The following CLIC6 variants were observed in gnomAD, a reference collection of about 807,000 sequenced individuals.
CLIC6 encodes chloride intracellular channel protein 6.
Under a neutral mutation model 49.2 loss-of-function variants are expected in CLIC6, and 39 were observed. That is an observed-to-expected ratio of 0.79 (90% CI 0.61 to 1.04). The LOEUF is 1.04. CLIC6 is among the 50% of genes least tolerant of loss of function. The pLI is 0.00. For synonymous variants in CLIC6, 446 were observed against 433.4 expected, an observed-to-expected ratio of 1.03 and a Z score of -0.36; for missense variants, 988 against 993.1, an observed-to-expected ratio of 0.99 and a Z score of 0.07.
At chr21:34,673,497 G>C (rs1989607901) in intron 1 of CLIC6, among the ~76,000 whole-genome samples, 1 of 152,056 alleles carries the variant, frequency 6.6e-6, no homozygotes, top group Non-Finnish European at 1.5e-5. Flanking sequence ...CGCCATGTTG[G>C]CCAGCCTGGT....
chr21:34,698,594 T>A (rs1397166585), intron 1 of CLIC6, among the ~76,000 whole-genome samples: 1 of 152,044 alleles, frequency 6.6e-6, no homozygotes, highest in African/African-American at 2.4e-5. Flanking sequence ...AGGTCCTAAG[T>A]GTTGTGTCAG....
chr21:34,709,678 C>CTTGGCTGCCCCG, intron 5 of CLIC6, 140 bp downstream of exon 5: 2 of 738,884 alleles, frequency 2.7e-6, no homozygotes, highest in Non-Finnish European at 4.3e-6. Flanking sequence ...CTGTTCGGGG[C>CTTGGCTGCCCCG]AGCCAAGCCC....
intron 1 of CLIC6, among the ~76,000 whole-genome samples, chr21:34,671,351 G>C (rs559241741): frequency 6.6e-6 from 1 of 152,210 alleles, no homozygotes; most frequent in South Asian, 2.1e-4. Flanking sequence ...TGTACGTTTA[G>C]GGGGGAATGG....
intron 1 of CLIC6, among the ~76,000 whole-genome samples, chr21:34,683,445 C>T (rs1333458619): frequency 3.3e-5 from 5 of 152,092 alleles, no homozygotes; most frequent in Non-Finnish European, 4.4e-5. Context: ...AAAGAATTGA[C>T]CAAAATTTAT....
chr21:34,675,991 C>T (rs1222231587), intron 1 of CLIC6, among the ~76,000 whole-genome samples: 1 of 143,336 alleles, frequency 7.0e-6, no homozygotes, highest in Admixed American at 7.2e-5. Context: ...TCACAGCTCC[C>T]GTCTCTGTCT....
At chr21:34,714,225 C>G (rs1030925670) in intron 5 of CLIC6, among the ~76,000 whole-genome samples, 6 of 152,126 alleles carry the variant, frequency 3.9e-5, no homozygotes, top group African/African-American at 1.4e-4. Flanking sequence ...GAAACTAGTC[C>G]TAAGACCAAA....
chr21:34,700,208 T>G (rs1250672656), intron 1 of CLIC6, among the ~76,000 whole-genome samples: 1 of 151,880 alleles, frequency 6.6e-6, no homozygotes, highest in Non-Finnish European at 1.5e-5. Flanking sequence ...AAGAAATGAT[T>G]TGGCCGAGGA....
intron 1 of CLIC6, among the ~76,000 whole-genome samples, chr21:34,687,423 T>C (rs1003756983): frequency 7.9e-5 from 12 of 152,218 alleles, no homozygotes; most frequent in Admixed American, 4.6e-4. Flanking sequence ...TTCATCTCCA[T>C]GTAAAAGCTT....
intron 1 of CLIC6, among the ~76,000 whole-genome samples, chr21:34,691,433 G>C (rs1024935846): frequency 2.6e-5 from 4 of 151,854 alleles, no homozygotes; most frequent in Non-Finnish European, 5.9e-5. Flanking sequence ...TGCACTCCTG[G>C]TTGATTCTTT....
At chr21:34,709,936 G>T (rs974349403) in intron 5 of CLIC6, among the ~76,000 whole-genome samples, 1 of 152,114 alleles carries the variant, frequency 6.6e-6, no homozygotes, top group African/African-American at 2.4e-5. Context: ...GGCTCCACAT[G>T]GCCCCTTCTA....
intron 1 of CLIC6, among the ~76,000 whole-genome samples, chr21:34,672,552 C>G (rs1245170253): frequency 6.6e-6 from 1 of 152,212 alleles, no homozygotes; most frequent in Non-Finnish European, 1.5e-5. Flanking sequence ...CAGTCCCAGT[C>G]GGATGACCCT....
At chr21:34,695,097 G>A (rs1057443652) in intron 1 of CLIC6, among the ~76,000 whole-genome samples, 2 of 152,186 alleles carry the variant, frequency 1.3e-5, no homozygotes, top group Non-Finnish European at 2.9e-5. Flanking sequence ...AACTTGACAT[G>A]GGTCTCACTG....
rs147554169 is a variant in CLIC6, at chr21:34,673,535, C to T, written c.1374+2773C>T. On this transcript the variant is annotated intron_variant, in intron 1 of 5. Transcript: ENST00000349499. ...CAAACTCCTGACCTCAGGTGATCCA[C>T]CCACCGTGGCCTCCCAAAGTGCTGG... is the stretch of plus-strand genomic sequence containing the variant. Among the ~76,000 whole-genome samples the T allele has an allele frequency of 6.6e-5, 10 of 152,294 alleles. No homozygotes were observed. The East Asian group carries it at 1.9e-3, about 29-fold the overall frequency.
intron 1 of CLIC6, among the ~76,000 whole-genome samples, chr21:34,690,817 T>G (rs7281426): frequency 0.016 from 2,460 of 149,302 alleles, 75 homozygotes; most frequent in African/African-American, 0.057. Context: ...CCCCTCCTTT[T>G]CTTTTCCCCA....
chr21:34,669,344 C>G lies in CLIC6; in HGVS notation c.-45C>G. On this transcript the variant is annotated 5_prime_UTR_variant, in exon 1 of 6. Coordinates refer to ENST00000349499, the MANE Select transcript of CLIC6 (RefSeq NM_053277.3). ...TTGCCCAGCGCCACCGACCCTTAAG[C>G]AGCGTCAAGGAAGGAGTCCCGATCA... 1 of 1,227,416 alleles carries G rather than the reference C, an allele frequency of 8.1e-7. No homozygotes were observed. Among genetic ancestry groups the G allele is most frequent in the East Asian group, 3.1e-5 (1 of 31,748 alleles). The allele number at this position is 1,227,416 out of a possible 1,614,324, so 76.0% of individuals were successfully genotyped here. A position where few individuals can be genotyped will look rare whatever the true frequency, so the allele number is the denominator to read the frequency against.
Position 34,716,438 on chromosome 21 carries a change from G to C in CLIC6, c.2017G>C (p.Glu673Gln). ...EFTNTCPADQ[E>Q]IEHAYSDVAK... Reference sequence around the variant, plus strand: ...CACAAATACGTGTCCAGCTGATCAAGAGATTGAACACGCATATTCAGATGT... The same window carrying C: ...CACAAATACGTGTCCAGCTGATCAACAGATTGAACACGCATATTCAGATGT... The change falls in exon 6 of 6, where the codon GAG becomes CAG. Residue 673 changes from glutamate (E) to glutamine (Q), a missense_variant. Around this residue, in one of 3 missense-constraint regions of CLIC6, gnomAD observed 647 missense variants for 596.9 expected, o/e 1.08. Transcript: ENST00000349499. The C allele has an allele frequency of 6.2e-7, 1 of 1,613,974 alleles. No individual in the cohort carries two copies. The highest frequency in any genetic ancestry group is 8.5e-7 in the Non-Finnish European group (1 of 1,179,926).
rs903734476 is a variant in CLIC6 at position 34,670,761 on chromosome 21, A to C, written c.1373A>C (p.Lys458Thr). 1 of 1,598,094 alleles carries C rather than the reference A, an allele frequency of 6.3e-7. No homozygotes were observed. Among genetic ancestry groups the C allele is most frequent in the Non-Finnish European group, 8.5e-7 (1 of 1,177,532 alleles). The change falls in exon 1 of 6, where the codon AAG becomes ACG. Residue 458 changes from lysine to threonine, a missense_variant and splice_region_variant. Lys to Thr is a moderately conservative substitution (Grantham distance 78). This residue lies in a region of CLIC6 where 647 missense variants were observed against 596.9 expected (regional missense o/e 1.08). Transcript: ENST00000349499. The part of the protein sequence containing the change: ...GQEHDITLFV[K>T]AGYDGESIGN... ...GAGCACGACATCACCCTCTTCGTCA[A>C]GGTAAAGCTCGCTTCCCTCAATTCT...
At chr21:34,691,892 C>T (rs1568963510) in intron 1 of CLIC6, among the ~76,000 whole-genome samples, 4 of 152,290 alleles carry the variant, frequency 2.6e-5, no homozygotes, top group Admixed American at 6.5e-5. Context: ...TTTCAATGAA[C>T]GTGTCATCCA....
intron 1 of CLIC6, among the ~76,000 whole-genome samples, chr21:34,685,727 T>C (rs1249674326): frequency 3.3e-5 from 5 of 152,234 alleles, no homozygotes; most frequent in Non-Finnish European, 5.9e-5. Context: ...GACATTTTTT[T>C]GTTAGCTGCC....
Sources: allele counts gnomAD v4.1 joint callset (sites outside exome capture counted in the v4.1 genomes callset), GRCh38; gene constraint gnomAD v4.1.1; regional missense constraint gnomAD v4.1.1; transcripts MANE v1.5; gene names NCBI Gene and HGNC (gene_info 2026-07-23, HGNC 2026-07-21).